The following SNX3 variants were observed in gnomAD, a reference collection of about 807,000 sequenced individuals.
The protein encoded by SNX3 is sorting nexin-3.
A neutral mutation model predicts 17.7 loss-of-function variants in SNX3; 5 were observed. The observed-to-expected ratio is 0.28, with a 90% CI of 0.15 to 0.59. SNX3 has a LOEUF of 0.59. Among genes scored for constraint, SNX3 ranks in the 20% least tolerant of loss-of-function variants. The pLI is 0.88. For synonymous variants in SNX3, 91 were observed against 76.5 expected, an observed-to-expected ratio of 1.19 and a Z score of -0.99; for missense variants, 132 against 206.8, an observed-to-expected ratio of 0.64 and a Z score of 2.22.
chr6:108,236,484 C>T (rs909202695), intron 1 of SNX3, among the ~76,000 whole-genome samples: 26 of 149,088 alleles, frequency 1.7e-4, no homozygotes, highest in South Asian at 6.3e-4. Flanking sequence ...CCTGGGTTCA[C>T]GCCATTCTCC....
chr6:108,253,296 T>C (rs1444681345), intron 1 of SNX3, among the ~76,000 whole-genome samples: 1 of 151,924 alleles, frequency 6.6e-6, no homozygotes, highest in Non-Finnish European at 1.5e-5. Context: ...TTGGCTGAGG[T>C]AGGAGGCTCA....
At chr6:108,258,435 G>A (rs1291102924) in intron 1 of SNX3, among the ~76,000 whole-genome samples, 4 of 148,882 alleles carry the variant, frequency 2.7e-5, no homozygotes, top group Admixed American at 6.7e-5. Context: ...TGCAGCCTGG[G>A]CAACAGAGCG....
At chr6:108,238,121 C>A (rs489380) in intron 1 of SNX3, among the ~76,000 whole-genome samples, 10,825 of 113,530 alleles carry the variant, frequency 0.095, 597 homozygotes, top group Admixed American at 0.18. Flanking sequence ...AAAAAAAAAA[C>A]AAACAAAAAA....
At chr6:108,260,537 T>A (rs754714175) in intron 1 of SNX3, among the ~76,000 whole-genome samples, 2 of 152,322 alleles carry the variant, frequency 1.3e-5, no homozygotes, top group Admixed American at 6.5e-5. Context: ...CGCCCTCCTC[T>A]TCGAGCACCT....
intron 1 of SNX3, among the ~76,000 whole-genome samples, chr6:108,239,401 C>G (rs1417357324): frequency 6.6e-6 from 1 of 152,154 alleles, no homozygotes; most frequent in East Asian, 1.9e-4. Flanking sequence ...CTCAGGAGCA[C>G]TGCTTGAGGC....
chr6:108,222,953 GCTCT>G lies in SNX3; in HGVS notation c.251_254del (p.Glu84AlafsTer4), dbSNP rs1263969590. ...TTGCATCATAAATCATTCTTACCTT[GCTCT>G]CTCTTTCTAATTCACTTCGCAGCCA... On this transcript the variant is annotated frameshift_variant, in exon 2 of 4. Coordinates refer to ENST00000230085, the MANE Select transcript of SNX3 (RefSeq NM_003795.6). LOFTEE classifies it high-confidence loss of function. The G allele has an allele frequency of 1.3e-6, 2 of 1,567,140 alleles. No homozygotes were observed. The highest frequency in any genetic ancestry group is 1.8e-6 in the Non-Finnish European group (2 of 1,140,058).
chr6:108,222,884 T>C (rs112277993), intron 2 of SNX3, 66 bp downstream of exon 2: 3 of 931,980 alleles, frequency 3.2e-6, no homozygotes, highest in Non-Finnish European at 5.1e-6. Flanking sequence ...ATCATTTTCC[T>C]GAGAAATATT....
chr6:108,222,305 T>C (rs1210442933), intron 2 of SNX3: 2 of 1,303,870 alleles, frequency 1.5e-6, no homozygotes, highest in Non-Finnish European at 2.0e-6. Context: ...GCCTCTGATG[T>C]CATTCTGAGG....
chr6:108,214,731 TC>T, intron 2 of SNX3, 109 bp from the exon 3 acceptor site: 1 of 1,181,984 alleles, frequency 8.5e-7, no homozygotes, highest in Non-Finnish European at 1.2e-6. Flanking sequence ...CATCGTCCGG[TC>T]AAACTAGTTG....
At chr6:108,233,736 G>A (rs923832855) in intron 1 of SNX3, among the ~76,000 whole-genome samples, 14 of 152,098 alleles carry the variant, frequency 9.2e-5, no homozygotes, top group Non-Finnish European at 1.6e-4. Flanking sequence ...CTGAAAGAGC[G>A]AATAACTGCT....
At chr6:108,233,764 TGTGAAAGAGGGTA>T (rs1775240565) in intron 1 of SNX3, among the ~76,000 whole-genome samples, 1 of 152,096 alleles carries the variant, frequency 6.6e-6, no homozygotes, top group Non-Finnish European at 1.5e-5. Flanking sequence ...AGTTAATAAA[TGTGAAAGAGGGTA>T]GGAACTTGGG....
rs576760547 is a variant in SNX3 at position 108,224,481 on chromosome 6, C to T, written c.163-1436G>A. Among the ~76,000 whole-genome samples, 81 of 152,126 alleles carry T rather than the reference C, an allele frequency of 5.3e-4. 1 individual carries two copies. The highest frequency in any genetic ancestry group is 1.8e-3 in the African/African-American group (75 of 41,492). On this transcript the variant is annotated intron_variant, in intron 1 of 3. Transcript: ENST00000230085. ...ATTTTTAGTGGAGAGGGGGTTTCAC[C>T]GTGTTAGCCAGGATGGTCTCCATCT...
intron 1 of SNX3, among the ~76,000 whole-genome samples, chr6:108,259,980 T>C (rs1252800703): frequency 6.6e-6 from 1 of 152,270 alleles, no homozygotes; most frequent in African/African-American, 2.4e-5. Flanking sequence ...AATTAACATC[T>C]TTCAAATCAT....
chr6:108,251,938 C>T (rs1170222724), intron 1 of SNX3, among the ~76,000 whole-genome samples: 2 of 151,720 alleles, frequency 1.3e-5, no homozygotes, highest in African/African-American at 4.8e-5. Flanking sequence ...GGTGCACGAC[C>T]TATATATTCC....
At chr6:108,245,111 G>A (rs1358223796) in intron 1 of SNX3, among the ~76,000 whole-genome samples, 1 of 150,730 alleles carries the variant, frequency 6.6e-6, no homozygotes. Flanking sequence ...CCCTCCCCTT[G>A]CCCCCCAATC....
intron 1 of SNX3, among the ~76,000 whole-genome samples, chr6:108,224,500 T>C (rs1774917398): frequency 6.6e-6 from 1 of 152,118 alleles, no homozygotes; most frequent in Non-Finnish European, 1.5e-5. Context: ...CAGGATGGTC[T>C]CCATCTCCTG....
At chr6:108,216,900 C>T (rs879684376) in intron 2 of SNX3, among the ~76,000 whole-genome samples, 22 of 152,124 alleles carry the variant, frequency 1.4e-4, no homozygotes, top group Non-Finnish European at 2.4e-4. Flanking sequence ...GATTTGTCTC[C>T]GTAAATTTAT....
chr6:108,223,497 CTTTTTTTTTTTTT>C (rs59920022), intron 1 of SNX3, among the ~76,000 whole-genome samples: 153 of 110,348 alleles, frequency 1.4e-3, no homozygotes, highest in East Asian at 2.8e-3. Context: ...TTTGCTAGTT[CTTTTTTTTTTTTT>C]TTTTTTTTTT....
At chr6:108,258,745 G>A (rs1354982818) in intron 1 of SNX3, among the ~76,000 whole-genome samples, 3 of 152,002 alleles carry the variant, frequency 2.0e-5, no homozygotes, top group South Asian at 2.1e-4. Flanking sequence ...CTGAGCTCAA[G>A]GGATCCACCT....
Sources: allele counts gnomAD v4.1 joint callset (sites outside exome capture counted in the v4.1 genomes callset), GRCh38; gene constraint gnomAD v4.1.1; transcripts MANE v1.5; gene names NCBI Gene and HGNC (gene_info 2026-07-23, HGNC 2026-07-21).